The following SPAG16 variants were observed in gnomAD, a reference collection of about 807,000 sequenced individuals.
SPAG16 encodes the protein sperm-associated antigen 16 protein.
SPAG16 carries 86 observed loss-of-function variants against 80.4 expected under a neutral mutation model. That is an observed-to-expected ratio of 1.07 (90% CI 0.90 to 1.28). The LOEUF is 1.28. SPAG16 is among the 50% of genes most tolerant of loss of function. The probability of loss-of-function intolerance (pLI) is 0.00; values close to 1 mark genes in which losing one functional copy is unlikely to be tolerated. For missense variants in SPAG16, 870 were observed against 765.3 expected (o/e 1.14, Z -1.61); for synonymous variants, 294 against 265.9 (o/e 1.11, Z -1.03).
At chr2:213,491,257 C>G (rs1440882831) in intron 10 of SPAG16, among the ~76,000 whole-genome samples, 2 of 152,168 alleles carry the variant, frequency 1.3e-5, no homozygotes, top group Non-Finnish European at 2.9e-5. Context: ...AAGGTCGTGA[C>G]TTTTTCTTAT....
intron 14 of SPAG16, among the ~76,000 whole-genome samples, chr2:214,138,749 T>G (rs2055193717): frequency 6.6e-6 from 1 of 152,154 alleles, no homozygotes; most frequent in South Asian, 2.1e-4. Context: ...TTCTGAAACC[T>G]TTTATTCAGA....
intron 15 of SPAG16, among the ~76,000 whole-genome samples, chr2:214,174,444 ACAGAAAGCCAAAT>A (rs1485351375): frequency 6.6e-6 from 1 of 152,032 alleles, no homozygotes. Flanking sequence ...TAACAGACAA[ACAGAAAGCCAAAT>A]CATGAGTGAA....
At chr2:214,152,297 A>G (rs2056013123) in intron 15 of SPAG16, among the ~76,000 whole-genome samples, 2 of 152,212 alleles carry the variant, frequency 1.3e-5, no homozygotes, top group Non-Finnish European at 2.9e-5. Flanking sequence ...TATCATTTTT[A>G]AAATGTAGCT....
At chr2:213,531,441 G>C (rs368947217) in intron 10 of SPAG16, among the ~76,000 whole-genome samples, 8 of 150,880 alleles carry the variant, frequency 5.3e-5, no homozygotes, top group African/African-American at 2.0e-4. Context: ...CCTGCACTCA[G>C]CAATTTAGCA....
intron 9 of SPAG16, among the ~76,000 whole-genome samples, chr2:213,477,417 T>C (rs1307814598): frequency 6.6e-6 from 1 of 152,122 alleles, no homozygotes; most frequent in Non-Finnish European, 1.5e-5. Context: ...AACACCAAGC[T>C]ATGGAAGCAG....
In SPAG16 at chr2:214,159,320, A is replaced by C. The variant is rs956006644; in HGVS notation, c.1720+10054A>C. ...TTAGATCTAATAGCATATACTAGTC[A>C]TTAGATTGAAAATCAAGAGTTAAAA... On this transcript the variant is annotated intron_variant, in intron 15 of 15. Coordinates refer to ENST00000331683, the MANE Select transcript of SPAG16 (RefSeq NM_024532.5). Among the ~76,000 whole-genome samples the C allele has an allele frequency of 2.0e-5, 3 of 152,124 alleles. No homozygotes were observed. The East Asian group carries it at 5.8e-4, about 29-fold the overall frequency.
At chr2:214,155,142 C>T (rs1261002175) in intron 15 of SPAG16, among the ~76,000 whole-genome samples, 1 of 152,070 alleles carries the variant, frequency 6.6e-6, no homozygotes, top group African/African-American at 2.4e-5. Flanking sequence ...ATGAGCCACA[C>T]ACAGAGAACT....
At chr2:214,198,017 G>A (rs569994324) in intron 15 of SPAG16, among the ~76,000 whole-genome samples, 8 of 152,018 alleles carry the variant, frequency 5.3e-5, no homozygotes, top group African/African-American at 9.6e-5. Context: ...CAAATAAATC[G>A]TGTATAATCT....
intron 9 of SPAG16, among the ~76,000 whole-genome samples, chr2:213,475,149 A>T (rs1483909842): frequency 1.3e-5 from 2 of 152,182 alleles, no homozygotes; most frequent in African/African-American, 2.4e-5. Context: ...GTAACATTAC[A>T]TCCTTCCAGG....
chr2:213,341,156 A>G (rs1300532934), intron 6 of SPAG16, among the ~76,000 whole-genome samples: 1 of 152,170 alleles, frequency 6.6e-6, no homozygotes, highest in East Asian at 1.9e-4. Context: ...GATAGCCTTT[A>G]TTTCTTCATT....
At chr2:213,377,284 A>G (rs2066923059) in intron 9 of SPAG16, among the ~76,000 whole-genome samples, 1 of 152,184 alleles carries the variant, frequency 6.6e-6, no homozygotes, top group Admixed American at 6.5e-5. Flanking sequence ...TGTACCAGTA[A>G]ACTAGTATTT....
chr2:213,574,548 C>G (rs904819631), intron 10 of SPAG16, among the ~76,000 whole-genome samples: 1 of 151,790 alleles, frequency 6.6e-6, no homozygotes, highest in Non-Finnish European at 1.5e-5. Flanking sequence ...TGAACATGTT[C>G]TCATGCTGCT....
At chr2:213,794,993 C>T (rs1207592404) in intron 10 of SPAG16, among the ~76,000 whole-genome samples, 1 of 152,136 alleles carries the variant, frequency 6.6e-6, no homozygotes, top group East Asian at 1.9e-4. Flanking sequence ...AATTAATATG[C>T]ATTCTCTGAA....
intron 10 of SPAG16, among the ~76,000 whole-genome samples, chr2:213,713,947 T>A (rs1187876529): frequency 6.6e-6 from 1 of 152,168 alleles, no homozygotes; most frequent in East Asian, 1.9e-4. Context: ...CTAGTAACCA[T>A]TCACAAAGAA....
chr2:213,923,351 C>T (rs10173751), intron 11 of SPAG16, among the ~76,000 whole-genome samples: 52,068 of 151,786 alleles, frequency 0.34, 9,376 homozygotes, highest in South Asian at 0.47. Flanking sequence ...CGTCGTGTGC[C>T]CTGCTGTCTG....
chr2:213,673,396 T>C (rs1003292106), intron 10 of SPAG16, among the ~76,000 whole-genome samples: 8 of 152,226 alleles, frequency 5.3e-5, no homozygotes, highest in African/African-American at 1.9e-4. Context: ...TATTAATTTT[T>C]AGGTTCATTT....
At chr2:213,914,608 T>C (rs904213213) in intron 11 of SPAG16, among the ~76,000 whole-genome samples, 13 of 152,208 alleles carry the variant, frequency 8.5e-5, no homozygotes, top group African/African-American at 3.1e-4. Context: ...TTTGACTTCA[T>C]GTCAGAGTTT....
intron 9 of SPAG16, chr2:213,396,764 T>C (rs1244385587): frequency 2.4e-6 from 1 of 412,862 alleles, no homozygotes; most frequent in Non-Finnish European, 4.9e-6. Context: ...GTTCCTGGCT[T>C]GTTCTCCTCC....
intron 15 of SPAG16, among the ~76,000 whole-genome samples, chr2:214,366,190 G>C (rs1451101496): frequency 2.0e-5 from 3 of 152,068 alleles, no homozygotes; most frequent in African/African-American, 7.2e-5. Flanking sequence ...CATTAGCCAG[G>C]CTGGTCTCAA....
Sources: gnomAD v4.1 joint callset for allele counts (sites outside exome capture counted in the v4.1 genomes callset) on GRCh38, gnomAD v4.1.1 for gene constraint, MANE v1.5 for transcripts, NCBI Gene and HGNC (gene_info 2026-07-23, HGNC 2026-07-21) for gene names.